ETV6: variants seen among roughly 807,000 people sequenced by gnomAD.
The protein encoded by ETV6 is transcription factor ETV6.
ETV6 carries 16 observed loss-of-function variants against 51.1 expected under a neutral mutation model. The observed-to-expected ratio is 0.31, with a 90% CI of 0.21 to 0.48. ETV6 has a LOEUF of 0.48. Ranked by LOEUF, ETV6 falls within the 20% of genes least tolerant of loss-of-function variation. The pLI is 0.99. For missense variants in ETV6, 458 were observed against 594.8 expected (o/e 0.77, Z 2.39); for synonymous variants, 240 against 224.1 (o/e 1.07, Z -0.64).
chr12:11,724,451 G>A (rs1000275255), intron 1 of ETV6, among the ~76,000 whole-genome samples: 2 of 152,166 alleles, frequency 1.3e-5, no homozygotes, highest in Non-Finnish European at 2.9e-5. Flanking sequence ...GATTTTCAAG[G>A]GTCTATTTCC....
At chr12:11,871,470 G>A (rs1422585380) in intron 5 of ETV6, among the ~76,000 whole-genome samples, 2 of 151,984 alleles carry the variant, frequency 1.3e-5, no homozygotes, top group African/African-American at 2.4e-5. Context: ...GATTACAGGC[G>A]TGAGCCACCG....
intron 3 of ETV6, among the ~76,000 whole-genome samples, chr12:11,847,837 G>A (rs969284679): frequency 6.6e-6 from 1 of 152,176 alleles, no homozygotes; most frequent in Non-Finnish European, 1.5e-5. Context: ...GGGACAAGGG[G>A]CATGTACATG....
intron 1 of ETV6, among the ~76,000 whole-genome samples, chr12:11,734,547 A>G (rs1865667343): frequency 6.6e-6 from 1 of 151,606 alleles, no homozygotes; most frequent in Non-Finnish European, 1.5e-5. Context: ...AAAAAAGAAG[A>G]AGAAGAAATT....
At chr12:11,657,791 C>T (rs1864028281) in intron 1 of ETV6, among the ~76,000 whole-genome samples, 1 of 152,224 alleles carries the variant, frequency 6.6e-6, no homozygotes, top group African/African-American at 2.4e-5. Context: ...AGTGTAGTTC[C>T]AGTCACCACG....
chr12:11,838,342 A>T (rs897080051), intron 2 of ETV6, among the ~76,000 whole-genome samples: 12 of 152,218 alleles, frequency 7.9e-5, no homozygotes, highest in Admixed American at 2.6e-4. Context: ...TCACAACAGC[A>T]AAATAAAATA....
intron 2 of ETV6, among the ~76,000 whole-genome samples, chr12:11,832,346 T>C (rs972208260): frequency 8.5e-5 from 13 of 152,192 alleles, no homozygotes; most frequent in Admixed American, 7.9e-4. Context: ...GAATTGATTG[T>C]AAAAGCAAAC....
rs546262004 is a variant in ETV6, at chr12:11,850,166, G to A, written c.329-3261G>A. ...TCCTAATAGGCTTCTGGTCTAGGTA[G>A]GAAACTGGCCGAGTCCACTTGACCC... On this transcript the variant is annotated intron_variant, in intron 3 of 7. Coordinates refer to ENST00000396373, the MANE Select transcript of ETV6 (RefSeq NM_001987.5). Among the ~76,000 whole-genome samples, 420 of 152,268 alleles carry A rather than the reference G, an allele frequency of 2.8e-3. 1 individual carries two copies. Among genetic ancestry groups the A allele is most frequent in the African/African-American group, 9.8e-3 (406 of 41,550 alleles).
Position 11,752,505 on chromosome 12 carries a change from C to T in ETV6, c.89C>T (p.Ser30Leu), listed in dbSNP as rs764237239. 37 of 1,614,028 alleles carry T rather than the reference C, an allele frequency of 2.3e-5. No homozygotes were observed. Among genetic ancestry groups the T allele is most frequent in the Middle Eastern group, 1.6e-4 (1 of 6,062 alleles). The change falls in exon 2 of 8, where the codon TCG becomes TTG. Residue 30 changes from serine (S) to leucine (L), a missense_variant. By Grantham distance (145) the Ser-to-Leu change is moderately radical. Transcript: ENST00000396373. The stretch of plus-strand genomic sequence containing the variant: ...AGCCCAGTGCCGAGTTACGCTTCCT[C>T]GACGCCACTTCATGTTCCAGTGCCT... Reference protein sequence around the residue: ...PESPVPSYASSTPLHVPVPRA... With the variant: ...PESPVPSYASLTPLHVPVPRA...
intron 2 of ETV6, among the ~76,000 whole-genome samples, chr12:11,801,397 A>T (rs1286170095): frequency 2.6e-5 from 4 of 152,222 alleles, no homozygotes; most frequent in Non-Finnish European, 5.9e-5. Flanking sequence ...ATATTGATGT[A>T]ACCCCAAAAT....
At chr12:11,881,891 C>CTGAT (rs1326504680) in intron 5 of ETV6, among the ~76,000 whole-genome samples, 1 of 152,218 alleles carries the variant, frequency 6.6e-6, no homozygotes, top group Non-Finnish European at 1.5e-5. Context: ...CAGTAGGACA[C>CTGAT]TGATTTCTCA....
intron 1 of ETV6, 124 bp downstream of exon 1, chr12:11,650,284 C>A: frequency 1.2e-6 from 1 of 830,166 alleles, no homozygotes; most frequent in Non-Finnish European, 2.1e-6. Flanking sequence ...TTATTTGGGG[C>A]GAGAGGGAAA....
At chr12:11,687,248 G>A (rs1326415752) in intron 1 of ETV6, among the ~76,000 whole-genome samples, 1 of 131,304 alleles carries the variant, frequency 7.6e-6, no homozygotes, top group East Asian at 2.2e-4. Context: ...GCAACCTCCG[G>A]CTCCCCGCTC....
At chr12:11,890,918 C>G (rs1010114178) in intron 7 of ETV6, 23 bp from the exon 8 acceptor site, 5 of 1,580,506 alleles carry the variant, frequency 3.2e-6, no homozygotes, top group Admixed American at 1.7e-5. Context: ...AATCTCTTAC[C>G]TCCTCCACTT....
intron 2 of ETV6, among the ~76,000 whole-genome samples, chr12:11,783,867 T>A (rs1783169877): frequency 6.6e-6 from 1 of 152,156 alleles, no homozygotes; most frequent in Non-Finnish European, 1.5e-5. Flanking sequence ...TTTGTTTGTT[T>A]GTTTTGCCTG....
intron 1 of ETV6, among the ~76,000 whole-genome samples, chr12:11,674,111 G>A (rs999316762): frequency 2.0e-5 from 3 of 152,150 alleles, no homozygotes; most frequent in Non-Finnish European, 2.9e-5. Context: ...AGACCACCCC[G>A]CAGATACAAT....
At chr12:11,856,263 T>C (rs1479352364) in intron 4 of ETV6, among the ~76,000 whole-genome samples, 2 of 152,144 alleles carry the variant, frequency 1.3e-5, no homozygotes, top group Non-Finnish European at 2.9e-5. Flanking sequence ...TTCTCTCAAG[T>C]ATTATGATGT....
At chr12:11,752,161 C>T (rs930707577) in intron 1 of ETV6, among the ~76,000 whole-genome samples, 2 of 152,138 alleles carry the variant, frequency 1.3e-5, no homozygotes, top group African/African-American at 2.4e-5. Context: ...CCTTTTGTCC[C>T]TCCTTTTTAC....
chr12:11,850,117 A>G (rs145760653), intron 3 of ETV6, among the ~76,000 whole-genome samples: 75 of 152,238 alleles, frequency 4.9e-4, no homozygotes, highest in African/African-American at 1.8e-3. Flanking sequence ...AGCATTTAAG[A>G]TAACTCCCAA....
At chr12:11,820,819 G>C (rs1247199721) in intron 2 of ETV6, among the ~76,000 whole-genome samples, 1 of 152,202 alleles carries the variant, frequency 6.6e-6, no homozygotes, top group South Asian at 2.1e-4. Context: ...AGAGTGACAT[G>C]ATGAAACTTA....
Sources: allele counts gnomAD v4.1 joint callset (sites outside exome capture counted in the v4.1 genomes callset), GRCh38; gene constraint gnomAD v4.1.1; transcripts MANE v1.5; gene names NCBI Gene and HGNC (gene_info 2026-07-23, HGNC 2026-07-21).